The following PLXDC2 variants were observed in gnomAD, a reference collection of about 807,000 sequenced individuals.
PLXDC2 encodes plexin domain containing 2.
PLXDC2 carries 40 observed loss-of-function variants against 68.9 expected under a neutral mutation model. That is an observed-to-expected ratio of 0.58 (90% confidence interval 0.45 to 0.76). PLXDC2 has a LOEUF of 0.76. PLXDC2 is among the 30% of genes least tolerant of loss of function. PLXDC2 has a pLI of 0.00. For missense variants in PLXDC2, 644 were observed against 661.9 expected (o/e 0.97, Z 0.30); for synonymous variants, 243 against 234.2 (o/e 1.04, Z -0.34).
At position 20,147,764 on chromosome 10, in the gene PLXDC2, T is replaced by C; in HGVS notation, c.665-20T>C. On this transcript the variant is annotated intron_variant, in intron 5 of 13. Transcript: ENST00000377252. ...TATGTTTTTCTCATTGCATTTCTTCTTTTTTCAATGGGTGTATAGGCACAG... is the reference window on the plus strand; with the variant it reads ...TATGTTTTTCTCATTGCATTTCTTCCTTTTTCAATGGGTGTATAGGCACAG... 6.9e-7 allele frequency: 1 copy of C among 1,445,080 alleles called. No individual in the cohort carries two copies. Among genetic ancestry groups the C allele is most frequent in the Non-Finnish European group, 9.6e-7 (1 of 1,045,682 alleles). The allele number at this position is 1,445,080 out of a possible 1,614,324, so 89.5% of individuals were successfully genotyped here.
intron 1 of PLXDC2, among the ~76,000 whole-genome samples, chr10:19,971,792 TAAC>T (rs1411332206): frequency 6.6e-6 from 1 of 152,150 alleles, no homozygotes; most frequent in Non-Finnish European, 1.5e-5. Flanking sequence ...GCTGGGATTA[TAAC>T]AAGTCGACTC....
intron 1 of PLXDC2, among the ~76,000 whole-genome samples, chr10:19,883,672 G>A (rs11011656): frequency 0.039 from 5,907 of 151,336 alleles, 130 homozygotes; most frequent in Non-Finnish European, 0.051. Context: ...TTTTCATGCT[G>A]TTTCTTTCTG....
chr10:20,089,993 C>G (rs1589624273), intron 4 of PLXDC2, among the ~76,000 whole-genome samples: 1 of 152,142 alleles, frequency 6.6e-6, no homozygotes, highest in Non-Finnish European at 1.5e-5. Context: ...CTTGGGCACC[C>G]TGGTAAACCA....
intron 4 of PLXDC2, among the ~76,000 whole-genome samples, chr10:20,140,405 A>AATATCTATCTATCTATC (rs201306989): frequency 7.2e-4 from 9 of 12,534 alleles, no homozygotes; most frequent in African/African-American, 1.2e-3. Flanking sequence ...TATATATAAA[A>AATATCTATCTATCTATC]TATCTATCTA....
At chr10:19,944,726 A>T (rs1833873559) in intron 1 of PLXDC2, among the ~76,000 whole-genome samples, 1 of 152,112 alleles carries the variant, frequency 6.6e-6, no homozygotes, top group African/African-American at 2.4e-5. Context: ...CAAGGAGGGC[A>T]GATCACCTGA....
intron 1 of PLXDC2, among the ~76,000 whole-genome samples, chr10:19,905,900 T>C (rs764556399): frequency 1.1e-4 from 16 of 152,298 alleles, no homozygotes; most frequent in Non-Finnish European, 2.2e-4. Context: ...AACCATTTAT[T>C]GAGGCTATTT....
chr10:19,985,601 T>A (rs1191537034), intron 1 of PLXDC2, among the ~76,000 whole-genome samples: 1 of 152,204 alleles, frequency 6.6e-6, no homozygotes, highest in Non-Finnish European at 1.5e-5. Flanking sequence ...CTTCTCTGAG[T>A]CCACTCTTTA....
At chr10:19,881,284 CTG>C (rs1837722951) in intron 1 of PLXDC2, among the ~76,000 whole-genome samples, 1 of 151,940 alleles carries the variant, frequency 6.6e-6, no homozygotes, top group African/African-American at 2.4e-5. Flanking sequence ...CCTGGCTAAT[CTG>C]TGTATTTTTG....
intron 1 of PLXDC2, among the ~76,000 whole-genome samples, chr10:19,838,062 G>C (rs538317816): frequency 6.6e-6 from 1 of 151,986 alleles, no homozygotes; most frequent in East Asian, 1.9e-4. Flanking sequence ...GCAGTGGTAC[G>C]ATCATGACTC....
chr10:20,131,710 T>G (rs2131776820), intron 4 of PLXDC2, among the ~76,000 whole-genome samples: 1 of 152,320 alleles, frequency 6.6e-6, no homozygotes, highest in Admixed American at 6.5e-5. Context: ...ACTTACAGTT[T>G]TATTATTCTA....
At chr10:20,112,576 G>C (rs749823772) in intron 4 of PLXDC2, among the ~76,000 whole-genome samples, 2 of 152,088 alleles carry the variant, frequency 1.3e-5, no homozygotes, top group Non-Finnish European at 2.9e-5. Context: ...TGTCATATTT[G>C]TTCATCTGTA....
In PLXDC2 at chr10:20,283,281, C is replaced by G. The variant is rs556737825; in HGVS notation, c.*3462C>G. 2.0e-5 allele frequency: 3 copies of G among 152,282 alleles called. No individual in the cohort carries two copies. The highest frequency in any genetic ancestry group is 1.3e-4 in the Admixed American group (2 of 15,294). The allele number at this position is 152,282 out of a possible 1,614,324, so 9.4% of individuals were successfully genotyped here. A position where few individuals can be genotyped will look rare whatever the true frequency, so the allele number is the denominator to read the frequency against. ...GAAAATCACTTCAACCTCCTTGAGT[C>G]TCAATTTGCAATTTTGGAAAAGAAA... On this transcript the variant is annotated 3_prime_UTR_variant, in exon 14 of 14. Coordinates refer to ENST00000377252, the MANE Select transcript of PLXDC2 (RefSeq NM_032812.9).
chr10:20,255,711 G>A (rs548422713), intron 13 of PLXDC2, among the ~76,000 whole-genome samples: 1 of 152,116 alleles, frequency 6.6e-6, no homozygotes, highest in South Asian at 2.1e-4. Flanking sequence ...AAATTAAAAT[G>A]TAAAATTTTC....
intron 9 of PLXDC2, among the ~76,000 whole-genome samples, chr10:20,195,954 C>T (rs1834831715): frequency 6.6e-6 from 1 of 152,120 alleles, no homozygotes; most frequent in Non-Finnish European, 1.5e-5. Context: ...AAGGCACCAA[C>T]AAAGTAAAAG....
intron 1 of PLXDC2, among the ~76,000 whole-genome samples, chr10:19,924,754 G>A (rs1333285526): frequency 6.6e-6 from 1 of 152,126 alleles, no homozygotes; most frequent in Non-Finnish European, 1.5e-5. Flanking sequence ...AACAGGTTTT[G>A]GTAAAGACAT....
At chr10:19,975,467 A>C (rs1834437471) in intron 1 of PLXDC2, among the ~76,000 whole-genome samples, 1 of 152,026 alleles carries the variant, frequency 6.6e-6, no homozygotes, top group Admixed American at 6.5e-5. Flanking sequence ...CAAATAAATA[A>C]ATAAATAATT....
intron 13 of PLXDC2, among the ~76,000 whole-genome samples, chr10:20,270,351 A>T (rs746271625): frequency 1.3e-5 from 2 of 152,128 alleles, no homozygotes; most frequent in Admixed American, 6.5e-5. Context: ...GTAAATATAG[A>T]ATTGTTAGAT....
At chr10:20,168,438 AG>A (rs972042908) in intron 7 of PLXDC2, among the ~76,000 whole-genome samples, 10 of 152,254 alleles carry the variant, frequency 6.6e-5, no homozygotes, top group African/African-American at 1.9e-4. Context: ...GCCAAAGCTG[AG>A]TGCCCTTCAG....
At chr10:20,090,019 A>T (rs1833255363) in intron 4 of PLXDC2, among the ~76,000 whole-genome samples, 1 of 152,096 alleles carries the variant, frequency 6.6e-6, no homozygotes, top group Non-Finnish European at 1.5e-5. Context: ...TTGGTTAGTT[A>T]TCATTGCCAG....
Sources: gnomAD v4.1 joint callset for allele counts (sites outside exome capture counted in the v4.1 genomes callset) on GRCh38, gnomAD v4.1.1 for gene constraint, MANE v1.5 for transcripts, NCBI Gene and HGNC (gene_info 2026-07-23, HGNC 2026-07-21) for gene names.